KCTD12: variants seen among roughly 807,000 people sequenced by gnomAD.
KCTD12 encodes the protein potassium channel tetramerization domain containing 12.
Under a neutral mutation model 22.6 loss-of-function variants are expected in KCTD12, and 16 were observed. The observed-to-expected ratio is 0.71, with a 90% CI of 0.48 to 1.07. KCTD12 has a LOEUF of 1.07. Ranked by LOEUF, KCTD12 falls within the 50% of genes least tolerant of loss-of-function variation. KCTD12 has a pLI of 0.00. For missense variants in KCTD12, 452 were observed against 469.2 expected, an observed-to-expected ratio of 0.96 and a Z score of 0.34; for synonymous variants, 260 against 228.0, an observed-to-expected ratio of 1.14 and a Z score of -1.26.
rs1044488257 is a variant in KCTD12, at chr13:76,881,176, A to G, written c.*3995T>C. 3 of 152,206 alleles carry G rather than the reference A, an allele frequency of 2.0e-5. No homozygotes were observed. The highest frequency in any genetic ancestry group is 2.9e-5 in the Non-Finnish European group (2 of 68,010). The allele number at this position is 152,206 out of a possible 1,614,324, so 9.4% of individuals were successfully genotyped here. Reference sequence around the variant, plus strand: ...TTTAAATGATTTATAGTAAGGAAAAACAGGAAAACAATTCCAAACGAAGGA... The same window carrying G: ...TTTAAATGATTTATAGTAAGGAAAAGCAGGAAAACAATTCCAAACGAAGGA... On this transcript the variant is annotated 3_prime_UTR_variant, in exon 1 of 1. Coordinates refer to ENST00000377474, the MANE Select transcript of KCTD12 (RefSeq NM_138444.4).
Position 76,882,146 on chromosome 13 carries a change from G to GTTC in KCTD12, c.*3024_*3025insGAA, listed in dbSNP as rs1237166671. ...TCAAAGGTTCATTCTGTGGCCCAAA[G>GTTC]CCCATGGAGGGGAAGGGATCTAAAG... On this transcript the variant is annotated 3_prime_UTR_variant, in exon 1 of 1. Transcript: ENST00000377474. The GTTC allele has an allele frequency of 2.6e-5, 4 of 152,210 alleles. No individual in the cohort carries two copies. Among genetic ancestry groups the GTTC allele is most frequent in the Non-Finnish European group, 5.9e-5 (4 of 68,044 alleles). 9.4% of individuals were successfully genotyped at this position (152,210 alleles called of 1,614,324 possible).
chr13:76,886,273 G>T lies in KCTD12; in HGVS notation c.-125C>A. 9.3e-7 allele frequency: 1 copy of T among 1,069,594 alleles called. No homozygotes were observed. The highest frequency in any genetic ancestry group is 2.8e-5 in the South Asian group (1 of 35,628). 66.3% of individuals were successfully genotyped at this position (1,069,594 alleles called of 1,614,324 possible). A position where few individuals can be genotyped will look rare whatever the true frequency, so the allele number is the denominator to read the frequency against. On this transcript the variant is annotated 5_prime_UTR_variant, in exon 1 of 1. Coordinates refer to ENST00000377474, the MANE Select transcript of KCTD12 (RefSeq NM_138444.4). ...AGCCCTGCGCCCCGCCGCCGCCGCC[G>T]CCGCCACCGCCGCCACCGCCACCGC... is the stretch of plus-strand genomic sequence containing the variant.
chr13:76,886,061 G>T lies in KCTD12; in HGVS notation c.88C>A (p.Pro30Thr). The T allele has an allele frequency of 6.4e-7, 1 of 1,573,440 alleles. No homozygotes were observed. The change falls in exon 1 of 1, where the codon CCG becomes ACG. Residue 30 changes from proline (P) to threonine (T), a missense_variant. Physicochemically the swap from Pro to Thr is conservative, Grantham distance 38. Around this residue, in one of 2 missense-constraint regions of KCTD12, gnomAD observed 330 missense variants for 296.5 expected, o/e 1.11. Transcript: ENST00000377474. Reference protein sequence around the residue: ...SGSSSSSAEPPLFPDIVELNV... With the variant: ...SGSSSSSAEPTLFPDIVELNV... ...AGCTCCACGATGTCGGGGAAGAGCGGTGGCTCCGCGGAGGACGACGAGGAG... is the reference window on the plus strand; with the variant it reads ...AGCTCCACGATGTCGGGGAAGAGCGTTGGCTCCGCGGAGGACGACGAGGAG...
chr13:76,885,258 C>T lies in KCTD12; in HGVS notation c.891G>A (p.Thr297=). ...TGCTGCTGGCAAAGGCGCAGGTGCCCGTGGAGCTGCACGCCACCATGTGGA... is the reference window on the plus strand; with the variant it reads ...TGCTGCTGGCAAAGGCGCAGGTGCCTGTGGAGCTGCACGCCACCATGTGGA... The part of the protein sequence containing the change: ...SGFHMVACSS[T]GTCAFASSTD... The change falls in exon 1 of 1, where the codon ACG becomes ACA. Residue 297 remains threonine, a synonymous_variant. Coordinates refer to ENST00000377474, the MANE Select transcript of KCTD12 (RefSeq NM_138444.4). This position sits in a 1 kb window ranked among gnomAD's most constrained non-coding sequence, Gnocchi z 5.1. 1.2e-6 allele frequency: 2 copies of T among 1,614,002 alleles called. No homozygotes were observed. The highest frequency in any genetic ancestry group is 1.7e-6 in the Non-Finnish European group (2 of 1,180,004).
In KCTD12 at chr13:76,883,717, A is replaced by G. The variant is rs1164874634; in HGVS notation, c.*1454T>C. The G allele has an allele frequency of 8.5e-5, 13 of 152,658 alleles. No individual in the cohort carries two copies. The highest frequency in any genetic ancestry group is 8.5e-4 in the Admixed American group (13 of 15,288). 9.5% of individuals were successfully genotyped at this position (152,658 alleles called of 1,614,324 possible). A position where few individuals can be genotyped will look rare whatever the true frequency, so the allele number is the denominator to read the frequency against. On this transcript the variant is annotated 3_prime_UTR_variant, in exon 1 of 1. Transcript: ENST00000377474. ...TTCCACTTAACTTCAAACAAACTGC[A>G]TGAAAGTGGCATTTTCAGGTTTTCA...
rs1019941143 is a variant in KCTD12, at chr13:76,886,401, C to T, written c.-253G>A. ...GCCCGCCTTGCCCGCGCGCTCCAGG[C>T]GAGTGCCGGGTCGCGGCCCGCGCGC... On this transcript the variant is annotated 5_prime_UTR_variant, in exon 1 of 1. Transcript: ENST00000377474. The T allele has an allele frequency of 8.4e-6, 2 of 238,310 alleles. No homozygotes were observed. Among genetic ancestry groups the T allele is most frequent in the South Asian group, 1.5e-4 (1 of 6,672 alleles). 14.8% of individuals were successfully genotyped at this position (238,310 alleles called of 1,614,324 possible). A position where few individuals can be genotyped will look rare whatever the true frequency, so the allele number is the denominator to read the frequency against.
Position 76,883,273 on chromosome 13 carries a change from G to A in KCTD12, c.*1898C>T, listed in dbSNP as rs931143793. On this transcript the variant is annotated 3_prime_UTR_variant, in exon 1 of 1. Transcript: ENST00000377474. ...GTATGGACATAGTAAGATACAGTACGAGATTCATTTTTAAAAACAAGGAAA... is the reference window on the plus strand; with the variant it reads ...GTATGGACATAGTAAGATACAGTACAAGATTCATTTTTAAAAACAAGGAAA... 2 of 152,154 alleles carry A rather than the reference G, an allele frequency of 1.3e-5. No homozygotes were observed. Among genetic ancestry groups the A allele is most frequent in the African/African-American group, 2.4e-5 (1 of 41,434 alleles). The allele number at this position is 152,154 out of a possible 1,614,324, so 9.4% of individuals were successfully genotyped here.
rs992290850 is a variant in KCTD12 at position 76,886,083 on chromosome 13, G to A, written c.66C>T (p.Ser22=). ...NGGGGGGGSG[S]SSSSAEPPLF... is the part of the protein sequence containing the mutation. ...GCGGTGGCTCCGCGGAGGACGACGA[G>A]GAGCCACTGCCGCCCCCGCCGCCGC... The change falls in exon 1 of 1, where the codon TCC becomes TCT. Residue 22 remains serine, a synonymous_variant. Transcript: ENST00000377474. 9.1e-6 allele frequency: 14 copies of A among 1,536,458 alleles called. No homozygotes were observed. The highest frequency in any genetic ancestry group is 1.2e-5 in the Non-Finnish European group (14 of 1,140,336).
Position 76,885,747 on chromosome 13 carries a change from C to A in KCTD12, c.402G>T (p.Gln134His). The A allele has an allele frequency of 6.8e-7, 1 of 1,477,250 alleles. No homozygotes were observed. The allele number at this position is 1,477,250 out of a possible 1,614,324, so 91.5% of individuals were successfully genotyped here. A position where few individuals can be genotyped will look rare whatever the true frequency, so the allele number is the denominator to read the frequency against. Residue 134 changes from glutamine to histidine, a missense_variant, in exon 1 of 1, where the codon CAG (glutamine) becomes CAT (histidine). Coordinates refer to ENST00000377474, the MANE Select transcript of KCTD12 (RefSeq NM_138444.4). The surrounding 1 kb of genome is among the most constrained non-coding windows in gnomAD (Gnocchi z 5.1). ...ELVRRLGAPQ[Q>H]PGPGPPPSRR... ...GCGAGGGCGGCGGCCCCGGGCCGGG[C>A]TGCTGGGGCGCCCCGAGGCGGCGCA...
In KCTD12 at chr13:76,885,742, C is replaced by G; in HGVS notation, c.407G>C (p.Gly136Ala). ...VRRLGAPQQPGPGPPPSRRGV... is the reference protein window; with the variant it reads ...VRRLGAPQQPAPGPPPSRRGV... ...GCGCCGCGAGGGCGGCGGCCCCGGG[C>G]CGGGCTGCTGGGGCGCCCCGAGGCG... The change falls in exon 1 of 1, where the codon GGC becomes GCC. Residue 136 changes from glycine to alanine, a missense_variant. This residue lies in a region of KCTD12 where 330 missense variants were observed against 296.5 expected (regional missense o/e 1.11). Coordinates refer to ENST00000377474, the MANE Select transcript of KCTD12 (RefSeq NM_138444.4). This position sits in a 1 kb window ranked among gnomAD's most constrained non-coding sequence, Gnocchi z 5.1. The G allele has an allele frequency of 6.9e-7, 1 of 1,442,572 alleles. No homozygotes were observed. Among genetic ancestry groups the G allele is most frequent in the Non-Finnish European group, 9.0e-7 (1 of 1,110,626 alleles). 89.4% of individuals were successfully genotyped at this position (1,442,572 alleles called of 1,614,324 possible). A position where few individuals can be genotyped will look rare whatever the true frequency, so the allele number is the denominator to read the frequency against.
rs2033276326 is a variant in KCTD12 at position 76,886,337 on chromosome 13, G to C, written c.-189C>G. The C allele has an allele frequency of 3.7e-6, 2 of 534,822 alleles. No individual in the cohort carries two copies. Among genetic ancestry groups the C allele is most frequent in the Middle Eastern group, 6.0e-4 (1 of 1,680 alleles). 33.1% of individuals were successfully genotyped at this position (534,822 alleles called of 1,614,324 possible). A position where few individuals can be genotyped will look rare whatever the true frequency, so the allele number is the denominator to read the frequency against. On this transcript the variant is annotated 5_prime_UTR_variant, in exon 1 of 1. Transcript: ENST00000377474. ...AGCCGCGCGGAGCCGAGCGGTGCGA[G>C]CGCGCCGCTGTGCGCCCCCTTGAGT...
In KCTD12 at chr13:76,886,127, G is replaced by A. The variant is rs752109232; in HGVS notation, c.22C>T (p.Arg8Cys). 3 of 1,528,524 alleles carry A rather than the reference G, an allele frequency of 2.0e-6. No homozygotes were observed. The highest frequency in any genetic ancestry group is 1.4e-5 in the African/African-American group (1 of 71,994). 94.7% of individuals were successfully genotyped at this position (1,528,524 alleles called of 1,614,324 possible). A position where few individuals can be genotyped will look rare whatever the true frequency, so the allele number is the denominator to read the frequency against. The change falls in exon 1 of 1, where the codon CGT becomes TGT. Residue 8 changes from arginine (R) to cysteine (C), a missense_variant. Physicochemically the swap from Arg to Cys is radical, Grantham distance 180. This residue lies in a region of KCTD12 where 330 missense variants were observed against 296.5 expected (regional missense o/e 1.11). Coordinates refer to ENST00000377474, the MANE Select transcript of KCTD12 (RefSeq NM_138444.4). ...CCGCCGCCCCCGTTGGGTAATCCAC[G>A]TGTGCTGTCCGCCAGAGCCATGACA... MALADST[R>C]GLPNGGGGGG...
rs1171935922 is a variant in KCTD12 at position 76,886,273 on chromosome 13, G to GCCGCCACCGCCGCCA, written c.-140_-126dup. The GCCGCCACCGCCGCCA allele has an allele frequency of 8.4e-5, 90 of 1,069,596 alleles. No individual in the cohort carries two copies. Among genetic ancestry groups the GCCGCCACCGCCGCCA allele is most frequent in the East Asian group, 4.9e-4 (15 of 30,368 alleles). 66.3% of individuals were successfully genotyped at this position (1,069,596 alleles called of 1,614,324 possible). ...AGCCCTGCGCCCCGCCGCCGCCGCC[G>GCCGCCACCGCCGCCA]CCGCCACCGCCGCCACCGCCACCGC... On this transcript the variant is annotated 5_prime_UTR_variant, in exon 1 of 1. Coordinates refer to ENST00000377474, the MANE Select transcript of KCTD12 (RefSeq NM_138444.4).
chr13:76,885,882 G>A lies in KCTD12; in HGVS notation c.267C>T (p.Phe89=). 1.3e-6 allele frequency: 2 copies of A among 1,597,396 alleles called. No individual in the cohort carries two copies. The highest frequency in any genetic ancestry group is 1.7e-5 in the Admixed American group (1 of 59,840). ...CCCGCAGGTAATCCAGGATGTAGCG[G>A]AAGAGGAAGCCGTCCCGGTCCAGAA... The part of the protein sequence containing the change: ...RFFLDRDGFL[F]RYILDYLRDL... Residue 89 remains phenylalanine, a synonymous_variant, in exon 1 of 1, where the codon TTC becomes TTT. Transcript: ENST00000377474. This position sits in a 1 kb window ranked among gnomAD's most constrained non-coding sequence, Gnocchi z 5.1.
At position 76,885,302 on chromosome 13, in the gene KCTD12, T is replaced by C; in HGVS notation, c.847A>G (p.Lys283Glu). 6.2e-7 allele frequency: 1 copy of C among 1,613,996 alleles called. No homozygotes were observed. Among genetic ancestry groups the C allele is most frequent in the Non-Finnish European group, 8.5e-7 (1 of 1,179,976 alleles). The change falls in exon 1 of 1, where the codon AAG becomes GAG. Residue 283 changes from lysine to glutamate, a missense_variant. Around this residue, in one of 2 missense-constraint regions of KCTD12, gnomAD observed 122 missense variants for 172.8 expected, o/e 0.71. Transcript: ENST00000377474. The surrounding 1 kb of genome is among the most constrained non-coding windows in gnomAD (Gnocchi z 5.1). Reference sequence around the variant, plus strand: ...ATGTGGAAGCCCGACTCGGACAGCTTGTCGAAGGCCTGCTCCAGGAAGTTG... The same window carrying C: ...ATGTGGAAGCCCGACTCGGACAGCTCGTCGAAGGCCTGCTCCAGGAAGTTG... ...KFNFLEQAFD[K>E]LSESGFHMVA...
rs1304378987 is a variant in KCTD12 at position 76,884,821 on chromosome 13, G to C, written c.*350C>G. ...GTTCTGAACAATTCAATCATCCCCC[G>C]GTCTGTGGCCACACTCCCCCAATAG... On this transcript the variant is annotated 3_prime_UTR_variant, in exon 1 of 1. Coordinates refer to ENST00000377474, the MANE Select transcript of KCTD12 (RefSeq NM_138444.4). 2 of 264,396 alleles carry C rather than the reference G, an allele frequency of 7.6e-6. No homozygotes were observed. Among genetic ancestry groups the C allele is most frequent in the Non-Finnish European group, 1.5e-5 (2 of 136,220 alleles). 16.4% of individuals were successfully genotyped at this position (264,396 alleles called of 1,614,324 possible). A position where few individuals can be genotyped will look rare whatever the true frequency, so the allele number is the denominator to read the frequency against.
chr13:76,886,291 GCCA>G lies in KCTD12; in HGVS notation c.-146_-144del. The stretch of plus-strand genomic sequence containing the variant: ...CGCCGCCGCCGCCACCGCCGCCACC[GCCA>G]CCGCCGCCACCTCCTAGAGCCGCGC... On this transcript the variant is annotated 5_prime_UTR_variant, in exon 1 of 1. Transcript: ENST00000377474. The G allele has an allele frequency of 1.1e-6, 1 of 888,948 alleles. No individual in the cohort carries two copies. Among genetic ancestry groups the G allele is most frequent in the Non-Finnish European group, 1.5e-6 (1 of 665,532 alleles). 55.1% of individuals were successfully genotyped at this position (888,948 alleles called of 1,614,324 possible).
rs116539990 is a variant in KCTD12 at position 76,880,654 on chromosome 13, T to C, written c.*4517A>G. On this transcript the variant is annotated 3_prime_UTR_variant, in exon 1 of 1. Transcript: ENST00000377474. ...TCCAGATGGATGTTTTAATCCTTTGTCACTAAATGGTTACTAACGCTGTTT... is the reference window on the plus strand; with the variant it reads ...TCCAGATGGATGTTTTAATCCTTTGCCACTAAATGGTTACTAACGCTGTTT... 970 of 152,704 alleles carry C rather than the reference T, an allele frequency of 6.4e-3. 14 individuals are homozygous for C. The highest frequency in any genetic ancestry group is 0.022 in the African/African-American group (931 of 41,580). The allele number at this position is 152,704 out of a possible 1,614,324, so 9.5% of individuals were successfully genotyped here. A position where few individuals can be genotyped will look rare whatever the true frequency, so the allele number is the denominator to read the frequency against.
chr13:76,882,119 C>T lies in KCTD12; in HGVS notation c.*3052G>A, dbSNP rs991284668. 3.3e-5 allele frequency: 5 copies of T among 152,156 alleles called. No individual in the cohort carries two copies. The highest frequency in any genetic ancestry group is 5.9e-5 in the Non-Finnish European group (4 of 68,018). 9.4% of individuals were successfully genotyped at this position (152,156 alleles called of 1,614,324 possible). A position where few individuals can be genotyped will look rare whatever the true frequency, so the allele number is the denominator to read the frequency against. On this transcript the variant is annotated 3_prime_UTR_variant, in exon 1 of 1. Transcript: ENST00000377474. ...AGGAAATTACAATCCACTTTACAGGCCTCAAAGGTTCATTCTGTGGCCCAA... is the reference window on the plus strand; with the variant it reads ...AGGAAATTACAATCCACTTTACAGGTCTCAAAGGTTCATTCTGTGGCCCAA...
Sources: allele counts gnomAD v4.1 joint callset, GRCh38; gene constraint gnomAD v4.1.1; regional missense constraint gnomAD v4.1.1; non-coding constraint Gnocchi (gnomAD v3.1); transcripts MANE v1.5; gene names NCBI Gene and HGNC (gene_info 2026-07-23, HGNC 2026-07-21).